The following DLG1 variants were observed in gnomAD, a reference collection of about 807,000 sequenced individuals.
The protein encoded by DLG1 is disks large homolog 1.
In DLG1, 42 loss-of-function variants were observed where a neutral mutation model predicts 123.4. The observed-to-expected ratio is 0.34, with a 90% CI of 0.27 to 0.44. The LOEUF is 0.44. DLG1 is among the 20% of genes least tolerant of loss of function. The pLI, the probability that DLG1 is intolerant of heterozygous loss-of-function variation, is 1.00. For missense variants in DLG1, 942 were observed against 1,082.6 expected (o/e 0.87, Z 1.82); for synonymous variants, 317 against 356.2 (o/e 0.89, Z 1.24).
At chr3:197,137,723 A>AC (rs1169144771) in intron 9 of DLG1, among the ~76,000 whole-genome samples, 1 of 152,020 alleles carries the variant, frequency 6.6e-6, no homozygotes, top group Non-Finnish European at 1.5e-5. Context: ...TAATACCAGC[A>AC]CTCTGCGGGG....
chr3:197,046,938 C>T (rs1723689647), intron 24 of DLG1, among the ~76,000 whole-genome samples: 1 of 140,168 alleles, frequency 7.1e-6, no homozygotes, highest in Admixed American at 7.4e-5. Context: ...AACAAAAAAT[C>T]CCCCCTAGTG....
At chr3:197,080,454 CT>C (rs35708797) in intron 17 of DLG1, 32,098 of 96,984 alleles carry the variant, frequency 0.33, 5,062 homozygotes, top group Middle Eastern at 0.36. Flanking sequence ...AATTTTTTAC[CT>C]TTTTTTTTTT....
chr3:197,217,548 A>C (rs1734741033), intron 4 of DLG1, among the ~76,000 whole-genome samples: 1 of 152,240 alleles, frequency 6.6e-6, no homozygotes, highest in South Asian at 2.1e-4. Flanking sequence ...TTTTGGGTAC[A>C]AACATCTTCA....
chr3:197,255,909 G>A (rs952913843), intron 4 of DLG1, among the ~76,000 whole-genome samples: 1 of 152,058 alleles, frequency 6.6e-6, no homozygotes, highest in Non-Finnish European at 1.5e-5. Flanking sequence ...GCATCAAGCT[G>A]CGTACTTAGA....
At chr3:197,225,780 C>A (rs1452746484) in intron 4 of DLG1, 1 of 152,604 alleles carries the variant, frequency 6.6e-6, no homozygotes, top group Non-Finnish European at 1.5e-5. Context: ...AACCATCTAA[C>A]CTAAATTACA....
At chr3:197,278,266 G>C (rs1283683684) in intron 4 of DLG1, among the ~76,000 whole-genome samples, 1 of 114,590 alleles carries the variant, frequency 8.7e-6, no homozygotes, top group African/African-American at 3.3e-5. Flanking sequence ...CTCGGTGGGA[G>C]AGCAAGACTC....
chr3:197,147,949 A>G (rs191546617), intron 6 of DLG1, among the ~76,000 whole-genome samples: 1 of 152,096 alleles, frequency 6.6e-6, no homozygotes, highest in East Asian at 1.9e-4. Context: ...TCTTGTATAT[A>G]GAAAATTCAA....
At chr3:197,180,702 C>A (rs1809770605) in intron 5 of DLG1, among the ~76,000 whole-genome samples, 1 of 151,892 alleles carries the variant, frequency 6.6e-6, no homozygotes, top group South Asian at 2.1e-4. Flanking sequence ...TCAGGGGAAT[C>A]GGGGCAGTGT....
chr3:197,238,244 C>T (rs1747041429), intron 4 of DLG1, among the ~76,000 whole-genome samples: 1 of 152,088 alleles, frequency 6.6e-6, no homozygotes, highest in African/African-American at 2.4e-5. Context: ...CGAAGTTTCC[C>T]TTGAAAATCA....
intron 3 of DLG1, among the ~76,000 whole-genome samples, chr3:197,288,556 T>G (rs942923393): frequency 2.7e-5 from 4 of 147,500 alleles, no homozygotes; most frequent in African/African-American, 1.0e-4. Context: ...ACCCTGTCTG[T>G]ATTAAAAATA....
In DLG1 at chr3:197,149,743, G is replaced by A. The variant is rs184137321; in HGVS notation, c.537C>T (p.Tyr179=). 4.8e-5 allele frequency: 77 copies of A among 1,592,762 alleles called. No individual in the cohort carries two copies. In the Admixed American group the frequency reaches 1.2e-3, roughly 24 times the overall value. Residue 179 remains tyrosine, a splice_region_variant and synonymous_variant, in exon 6 of 25, where the codon TAC becomes TAT. Coordinates refer to ENST00000667157, the MANE Select transcript of DLG1 (RefSeq NM_001366207.1). ...VNTDSLETPT[Y]VNGTDADYEY... Reference sequence around the variant, plus strand: ...AATGTGGGGAGGAAATGGAACTTACGTAAGTTGGTGTTTCCAAGCTATCTG... The same window carrying A: ...AATGTGGGGAGGAAATGGAACTTACATAAGTTGGTGTTTCCAAGCTATCTG...
intron 5 of DLG1, among the ~76,000 whole-genome samples, chr3:197,154,040 C>T (rs1577171706): frequency 1.3e-5 from 2 of 151,554 alleles, no homozygotes; most frequent in Admixed American, 6.6e-5. Context: ...TGGTGGCTTA[C>T]GCCTGTAATC....
At chr3:197,261,909 C>T (rs543198835) in intron 4 of DLG1, among the ~76,000 whole-genome samples, 117 of 152,272 alleles carry the variant, frequency 7.7e-4, no homozygotes, top group African/African-American at 2.8e-3. Context: ...TAGAATAATG[C>T]TGACTTGTTA....
chr3:197,094,208 G>A (rs1453840491), intron 14 of DLG1, among the ~76,000 whole-genome samples: 1 of 152,196 alleles, frequency 6.6e-6, no homozygotes, highest in Non-Finnish European at 1.5e-5. Flanking sequence ...GTTGATGCCA[G>A]AAGGAAAACA....
chr3:197,267,541 C>A (rs1388534746), intron 4 of DLG1, among the ~76,000 whole-genome samples: 2 of 144,758 alleles, frequency 1.4e-5, no homozygotes, highest in African/African-American at 5.2e-5. Flanking sequence ...CTTAGCTAAG[C>A]TTCTTGAAAA....
chr3:197,141,534 T>C (rs1787994539), intron 7 of DLG1, among the ~76,000 whole-genome samples: 1 of 152,184 alleles, frequency 6.6e-6, no homozygotes, highest in African/African-American at 2.4e-5. Context: ...TAAGAGACTC[T>C]CTCAGATTTA....
chr3:197,049,346 A>G (rs948349816), intron 24 of DLG1, among the ~76,000 whole-genome samples: 1 of 152,198 alleles, frequency 6.6e-6, no homozygotes, highest in African/African-American at 2.4e-5. Flanking sequence ...AAAAGCCAAC[A>G]ACAACAAAAA....
intron 5 of DLG1, among the ~76,000 whole-genome samples, chr3:197,191,634 A>C (rs1719624632): frequency 6.6e-6 from 1 of 152,170 alleles, no homozygotes; most frequent in Non-Finnish European, 1.5e-5. Flanking sequence ...ATAATAAATA[A>C]ATTAGATTAA....
intron 4 of DLG1, among the ~76,000 whole-genome samples, chr3:197,252,356 G>C (rs554341845): frequency 6.6e-6 from 1 of 152,176 alleles, no homozygotes; most frequent in African/African-American, 2.4e-5. Context: ...CGAAATAATG[G>C]ATACGAAAAA....
Sources: gnomAD v4.1 joint callset for allele counts (sites outside exome capture counted in the v4.1 genomes callset) on GRCh38, gnomAD v4.1.1 for gene constraint, MANE v1.5 for transcripts, NCBI Gene and HGNC (gene_info 2026-07-23, HGNC 2026-07-21) for gene names.